IL1RAPL2: variants seen among roughly 807,000 people sequenced by gnomAD.
IL1RAPL2 encodes the protein X-linked interleukin-1 receptor accessory protein-like 2.
A neutral mutation model predicts 44.1 loss-of-function variants in IL1RAPL2; 3 were observed. The ratio of observed to expected loss-of-function variants is 0.07; its 90% confidence interval spans 0.03 to 0.18. The LOEUF (loss-of-function observed/expected upper bound fraction) is 0.18, where lower values mean the gene tolerates loss of function less well. Ranked by LOEUF, IL1RAPL2 falls within the 10% of genes least tolerant of loss-of-function variation. The pLI, the probability that IL1RAPL2 is intolerant of heterozygous loss-of-function variation, is 1.00. For synonymous variants in IL1RAPL2, 181 were observed against 178.8 expected (o/e 1.01, Z -0.10); for missense variants, 391 against 496.4 (o/e 0.79, Z 2.02).
chrX:105,755,630 T>C (rs188049324), intron 10 of IL1RAPL2, among the ~76,000 whole-genome samples: 1 of 112,033 alleles, frequency 8.9e-6, no homozygotes, highest in African/African-American at 3.2e-5. Context: ...TTTAAAAAAA[T>C]CTGTAAAAGT....
At chrX:104,695,498 G>T (rs11798874) in intron 2 of IL1RAPL2, among the ~76,000 whole-genome samples, 48,490 of 109,520 alleles carry the variant, frequency 0.44, 8,773 homozygotes, top group South Asian at 0.65. Flanking sequence ...TATGACTAAG[G>T]GAAGACTTTG....
chrX:105,709,538 G>C (rs1401505999), intron 6 of IL1RAPL2, among the ~76,000 whole-genome samples: 1 of 111,800 alleles, frequency 8.9e-6, no homozygotes, highest in Non-Finnish European at 1.9e-5. Context: ...AGAGTCCTTA[G>C]AGATTCTCTC....
intron 3 of IL1RAPL2, among the ~76,000 whole-genome samples, chrX:105,196,026 A>G (rs2033669801): frequency 9.0e-6 from 1 of 111,722 alleles, no homozygotes; most frequent in Non-Finnish European, 1.9e-5. Flanking sequence ...TCACACCTGT[A>G]ATCCCAGCAC....
chrX:105,457,659 A>G (rs1053645090), intron 5 of IL1RAPL2, among the ~76,000 whole-genome samples: 2 of 108,383 alleles, frequency 1.8e-5, no homozygotes, highest in Admixed American at 2.0e-4. Context: ...ATATATATGT[A>G]TGTTTTATAT....
chrX:105,369,501 C>T (rs1047174152), intron 5 of IL1RAPL2, among the ~76,000 whole-genome samples: 3 of 111,307 alleles, frequency 2.7e-5, no homozygotes, highest in African/African-American at 6.5e-5. Context: ...ATGTGTGTTC[C>T]AGCTTTTCCT....
intron 2 of IL1RAPL2, among the ~76,000 whole-genome samples, chrX:104,947,044 T>C (rs1201240704): frequency 1.9e-5 from 2 of 107,679 alleles, no homozygotes; most frequent in African/African-American, 6.8e-5. Flanking sequence ...AGTGTAAAAG[T>C]GTTCCTATTT....
chrX:105,371,409 A>G (rs1192513858), intron 5 of IL1RAPL2, among the ~76,000 whole-genome samples: 5 of 111,457 alleles, frequency 4.5e-5, no homozygotes, highest in African/African-American at 1.6e-4. Flanking sequence ...TGATTTTTAT[A>G]TATCGTAAAA....
At position 105,452,817 on chromosome X, in the gene IL1RAPL2, C is replaced by G. The variant is rs193077118; in HGVS notation, c.698-31496C>G. ...TAGCTTGCATGTACCAGTTGCCCAT[C>G]CCACAAAAGAATGAAAAATGAGAAT... is the stretch of plus-strand genomic sequence containing the variant. On this transcript the variant is annotated intron_variant, in intron 5 of 10. Coordinates refer to ENST00000372582, the MANE Select transcript of IL1RAPL2 (RefSeq NM_017416.2). 1.1e-4 allele frequency among the ~76,000 whole-genome samples: 12 copies of G among 112,023 alleles called. No homozygotes were observed. In the East Asian group the frequency reaches 3.1e-3, roughly 29 times the overall value.
At position 104,615,261 on chromosome X, in the gene IL1RAPL2, G is replaced by C. The variant is rs192927635; in HGVS notation, c.-19-43634G>C. On this transcript the variant is annotated intron_variant, in intron 1 of 10. Coordinates refer to ENST00000372582, the MANE Select transcript of IL1RAPL2 (RefSeq NM_017416.2). Reference sequence around the variant, plus strand: ...AAGTTCTGAGGTACATGTACAGGATGTGTAGGTTTGTTACATAGGTAAACA... The same window carrying C: ...AAGTTCTGAGGTACATGTACAGGATCTGTAGGTTTGTTACATAGGTAAACA... Among the ~76,000 whole-genome samples the C allele has an allele frequency of 1.3e-4, 14 of 111,615 alleles. No individual in the cohort carries two copies. The East Asian group carries it at 3.7e-3, about 29-fold the overall frequency.
chrX:104,764,223 T>C (rs1932516584), intron 2 of IL1RAPL2, among the ~76,000 whole-genome samples: 1 of 111,364 alleles, frequency 9.0e-6, no homozygotes, highest in South Asian at 3.8e-4. Context: ...TTTGGTGTCT[T>C]CTGCAATTTC....
At chrX:104,687,987 T>A (rs1159243296) in intron 2 of IL1RAPL2, among the ~76,000 whole-genome samples, 1 of 111,823 alleles carries the variant, frequency 8.9e-6, no homozygotes, top group Non-Finnish European at 1.9e-5. Context: ...CGGCAAACCT[T>A]TGAAGACTTA....
chrX:105,320,063 A>G (rs12835643), intron 5 of IL1RAPL2, among the ~76,000 whole-genome samples: 45 of 111,120 alleles, frequency 4.0e-4, no homozygotes, highest in Admixed American at 1.6e-3. Flanking sequence ...TTGGCGAGAT[A>G]GACTAATATG....
rs1043811982 is a variant in IL1RAPL2, at chrX:105,113,018, C to G, written c.83-82457C>G. Among the ~76,000 whole-genome samples, 3 of 112,598 alleles carry G rather than the reference C, an allele frequency of 2.7e-5. No individual in the cohort carries two copies. The East Asian group carries it at 8.4e-4, about 31-fold the overall frequency. Reference sequence around the variant, plus strand: ...AAATAGAAGAAAAAGGCAGTCTGTACAGATCTCACCTCTGGTAACCAAAAG... The same window carrying G: ...AAATAGAAGAAAAAGGCAGTCTGTAGAGATCTCACCTCTGGTAACCAAAAG... On this transcript the variant is annotated intron_variant, in intron 2 of 10. Coordinates refer to ENST00000372582, the MANE Select transcript of IL1RAPL2 (RefSeq NM_017416.2).
At position 105,358,700 on chromosome X, in the gene IL1RAPL2, AAC is replaced by A. The variant is rs999140787; in HGVS notation, c.697+91161_697+91162del. 3.6e-4 allele frequency among the ~76,000 whole-genome samples: 33 copies of A among 90,594 alleles called. No homozygotes were observed. In the East Asian group the frequency reaches 4.9e-3, roughly 14 times the overall value. The allele number at this position is 90,594 out of a possible 115,157, so 78.7% of individuals were successfully genotyped here. A position where few individuals can be genotyped will look rare whatever the true frequency, so the allele number is the denominator to read the frequency against. ...AAAAAAAAAAAACACAACAACAACA[AAC>A]AAAAAAAAAAAAAGAAAAAGAAAAT... On this transcript the variant is annotated intron_variant, in intron 5 of 10. Transcript: ENST00000372582.
chrX:105,126,710 T>C (rs1230445787), intron 2 of IL1RAPL2, among the ~76,000 whole-genome samples: 1 of 111,441 alleles, frequency 9.0e-6, no homozygotes, highest in African/African-American at 3.2e-5. Flanking sequence ...TTGAAATTAG[T>C]TGCGAAAACC....
chrX:104,825,325 G>A (rs776093002), intron 2 of IL1RAPL2, among the ~76,000 whole-genome samples: 1 of 112,066 alleles, frequency 8.9e-6, no homozygotes, highest in South Asian at 3.7e-4. Context: ...CCCTGCTAGG[G>A]CCTAAGTTCT....
chrX:104,585,258 TATATATA>T (rs1174012979), intron 1 of IL1RAPL2, among the ~76,000 whole-genome samples: 2 of 29,134 alleles, frequency 6.9e-5, no homozygotes, highest in Non-Finnish European at 9.9e-5. Context: ...ATATATAATA[TATATATA>T]ATATATTATA....
chrX:105,030,877 G>A (rs747903236), intron 2 of IL1RAPL2, among the ~76,000 whole-genome samples: 61 of 111,697 alleles, frequency 5.5e-4, no homozygotes, highest in Middle Eastern at 4.6e-3. Context: ...ACCCATGAGC[G>A]TGGAATGTTC....
intron 2 of IL1RAPL2, among the ~76,000 whole-genome samples, chrX:104,707,690 T>C (rs1931385547): frequency 9.0e-6 from 1 of 111,664 alleles, no homozygotes; most frequent in African/African-American, 3.2e-5. Flanking sequence ...GCTAATGATA[T>C]ATCTTAAGTG....
Sources: allele counts gnomAD v4.1 joint callset (sites outside exome capture counted in the v4.1 genomes callset), GRCh38; gene constraint gnomAD v4.1.1; transcripts MANE v1.5; gene names NCBI Gene and HGNC (gene_info 2026-07-23, HGNC 2026-07-21).